The following CCDC7 variants were observed in gnomAD, a reference collection of about 807,000 sequenced individuals.
The protein encoded by CCDC7 is coiled-coil domain containing 7, also known as coiled-coil domain-containing protein 7.
In CCDC7, 183 loss-of-function variants were observed where a neutral mutation model predicts 196.9. The ratio of observed to expected loss-of-function variants is 0.93; its 90% CI spans 0.82 to 1.05. CCDC7 has a LOEUF of 1.05. Ranked by LOEUF, CCDC7 falls within the 50% of genes least tolerant of loss-of-function variation. The pLI is 0.00. For synonymous variants in CCDC7, 525 were observed against 484.6 expected (o/e 1.08, Z -1.10); for missense variants, 1,540 against 1,482.2 (o/e 1.04, Z -0.64).
rs1014267340 is a variant in CCDC7, at chr10:32,749,394, T to C, written c.2905+19937T>C. On this transcript the variant is annotated intron_variant, in intron 28 of 41. Transcript: ENST00000639629. ...AGCATCCTTCCATTTGTGTCAGTCA[T>C]TTATCTTATTTTAATAATTTAAACT... Among the ~76,000 whole-genome samples the C allele has an allele frequency of 2.0e-5, 3 of 152,174 alleles. No individual in the cohort carries two copies. The South Asian group carries it at 6.2e-4, about 31-fold the overall frequency.
chr10:32,498,181 A>G (rs2134749331), intron 9 of CCDC7, among the ~76,000 whole-genome samples: 1 of 152,208 alleles, frequency 6.6e-6, no homozygotes, highest in Admixed American at 6.5e-5. Flanking sequence ...GCTGCTTTAA[A>G]GTCTGTTTCA....
intron 5 of CCDC7, among the ~76,000 whole-genome samples, chr10:32,470,152 A>G (rs561641871): frequency 1.3e-5 from 2 of 152,240 alleles, no homozygotes; most frequent in African/African-American, 4.8e-5. Flanking sequence ...TCCTACTCTC[A>G]TTCCAGTCAT....
chr10:32,848,211 T>A (rs1023650325), intron 38 of CCDC7, among the ~76,000 whole-genome samples: 4 of 152,150 alleles, frequency 2.6e-5, no homozygotes, highest in Non-Finnish European at 4.4e-5. Flanking sequence ...GAAAAATAAA[T>A]CTAATAAACA....
chr10:32,583,971 G>A (rs1564732720), intron 17 of CCDC7, among the ~76,000 whole-genome samples: 1 of 152,000 alleles, frequency 6.6e-6, no homozygotes, highest in Non-Finnish European at 1.5e-5. Context: ...AGAACTATTT[G>A]CGAGGGAAAA....
intron 18 of CCDC7, among the ~76,000 whole-genome samples, chr10:32,621,384 A>G (rs1467815629): frequency 6.6e-6 from 1 of 152,194 alleles, no homozygotes. Context: ...AAAGCCTTAC[A>G]TGTTTTCATT....
intron 9 of CCDC7, chr10:32,511,792 A>G: frequency 3.9e-6 from 5 of 1,278,700 alleles, no homozygotes; most frequent in Non-Finnish European, 5.6e-6. Flanking sequence ...CGGTCGGGCA[A>G]CGATGACGAC....
chr10:32,799,408 C>A (rs2084316689), intron 29 of CCDC7, among the ~76,000 whole-genome samples: 1 of 152,114 alleles, frequency 6.6e-6, no homozygotes, highest in African/African-American at 2.4e-5. Flanking sequence ...TTGCATAGCA[C>A]CCTGGACTTA....
intron 24 of CCDC7, among the ~76,000 whole-genome samples, chr10:32,703,544 G>A (rs1395207080): frequency 6.6e-6 from 1 of 151,978 alleles, no homozygotes; most frequent in Non-Finnish European, 1.5e-5. Flanking sequence ...TGTATTTCCT[G>A]AATTTGAATG....
chr10:32,624,781 AC>A (rs1188750957), intron 18 of CCDC7, among the ~76,000 whole-genome samples: 2 of 151,938 alleles, frequency 1.3e-5, no homozygotes, highest in Non-Finnish European at 2.9e-5. Flanking sequence ...TCATATACTT[AC>A]TGGCCATTTG....
chr10:32,623,111 T>A (rs981198730), intron 18 of CCDC7, among the ~76,000 whole-genome samples: 1 of 152,192 alleles, frequency 6.6e-6, no homozygotes, highest in African/African-American at 2.4e-5. Flanking sequence ...TGTTAACTTT[T>A]TCCTGCCATA....
At chr10:32,663,181 C>T (rs1382319433) in intron 20 of CCDC7, among the ~76,000 whole-genome samples, 2 of 152,272 alleles carry the variant, frequency 1.3e-5, no homozygotes, top group East Asian at 3.9e-4. Context: ...ACGAGAGTAA[C>T]TCATTTAAGG....
At chr10:32,643,039 C>T (rs1382384517) in intron 20 of CCDC7, among the ~76,000 whole-genome samples, 1 of 152,082 alleles carries the variant, frequency 6.6e-6, no homozygotes, top group Non-Finnish European at 1.5e-5. Flanking sequence ...TTAAATTGTG[C>T]TATTTAAAGT....
chr10:32,719,852 TA>T (rs2082144774), intron 25 of CCDC7, among the ~76,000 whole-genome samples: 1 of 152,104 alleles, frequency 6.6e-6, no homozygotes, highest in Non-Finnish European at 1.5e-5. Flanking sequence ...TGGTGATCAT[TA>T]AAAAGTCAGG....
At chr10:32,818,226 CA>C (rs2089267632) in intron 31 of CCDC7, among the ~76,000 whole-genome samples, 1 of 152,028 alleles carries the variant, frequency 6.6e-6, no homozygotes, top group Non-Finnish European at 1.5e-5. Context: ...CAATGAAGAT[CA>C]AAAGAGATAA....
At chr10:32,869,627 GA>G (rs927634528) in intron 41 of CCDC7, among the ~76,000 whole-genome samples, 1 of 152,102 alleles carries the variant, frequency 6.6e-6, no homozygotes, top group African/African-American at 2.4e-5. Context: ...TTTTAGACAT[GA>G]AGTCCTTGCC....
chr10:32,726,600 A>T (rs2083161527), intron 25 of CCDC7, 134 bp from the exon 27 acceptor site: 1 of 488,216 alleles, frequency 2.0e-6, no homozygotes, highest in East Asian at 3.6e-5. Context: ...ATGGTGATTT[A>T]CTTATAATTT....
chr10:32,588,143 T>A (rs781532504), intron 18 of CCDC7, among the ~76,000 whole-genome samples: 2 of 152,186 alleles, frequency 1.3e-5, no homozygotes, highest in Non-Finnish European at 2.9e-5. Flanking sequence ...AAGGAGGCAC[T>A]CCTCCGATGT....
intron 18 of CCDC7, among the ~76,000 whole-genome samples, chr10:32,594,885 TCCCAGG>T (rs1461493217): frequency 1.3e-5 from 2 of 152,232 alleles, no homozygotes; most frequent in Non-Finnish European, 2.9e-5. Flanking sequence ...CAGCCTTGCA[TCCCAGG>T]GATGAAGCCA....
chr10:32,738,473 C>CTTT lies in CCDC7; in HGVS notation c.2905+9035_2905+9037dup, dbSNP rs33944221. Among the ~76,000 whole-genome samples, 499 of 109,644 alleles carry CTTT rather than the reference C, an allele frequency of 4.6e-3. 25 individuals are homozygous for CTTT. The highest frequency in any genetic ancestry group is 0.016 in the African/African-American group (453 of 28,390). The allele number at this position is 109,644 out of a possible 152,430, so 71.9% of individuals were successfully genotyped here. ...AAAGAATATAAAATGGTTTCTTTCA[C>CTTT]TTTTTTTTTTTTTTTTTTTTTGACA... On this transcript the variant is annotated intron_variant, in intron 28 of 41. Coordinates refer to ENST00000639629, the Ensembl canonical transcript of CCDC7.
Sources: allele counts gnomAD v4.1 joint callset (sites outside exome capture counted in the v4.1 genomes callset), GRCh38; gene constraint gnomAD v4.1.1; transcripts MANE v1.5; gene names NCBI Gene and HGNC (gene_info 2026-07-23, HGNC 2026-07-21).